FGD2: variants seen among roughly 807,000 people sequenced by gnomAD.
The protein encoded by FGD2 is FYVE, RhoGEF and PH domain containing 2.
Under a neutral mutation model 75.9 loss-of-function variants are expected in FGD2, and 52 were observed. That is an observed-to-expected ratio of 0.69 (90% CI 0.55 to 0.86). The LOEUF is 0.86. Ranked by LOEUF, FGD2 falls within the 40% of genes least tolerant of loss-of-function variation. The pLI is 0.00. For missense variants in FGD2, 790 were observed against 872.0 expected (o/e 0.91, Z 1.18); for synonymous variants, 347 against 348.6 (o/e 1.00, Z 0.05).
At chr6:37,014,391 G>T in intron 6 of FGD2, 1 of 617,742 alleles carries the variant, frequency 1.6e-6, no homozygotes, top group Non-Finnish European at 2.8e-6. Flanking sequence ...TACCCTCTAG[G>T]TCTGGCTTGT....
At position 37,025,955 on chromosome 6, in the gene FGD2, CCG is replaced by C. The variant is rs1170040147; in HGVS notation, c.1605+21_1605+22del. The C allele has an allele frequency of 1.9e-6, 3 of 1,612,812 alleles. No homozygotes were observed. In the African/African-American group the frequency reaches 4.0e-5, roughly 22 times the overall value. ...ATCCTGGAGGTGAGGGCCACTGTCCCCGCGCTCACCATCCGTCCTCTGTTCAG... is the reference window on the plus strand; with the variant it reads ...ATCCTGGAGGTGAGGGCCACTGTCCCCGCTCACCATCCGTCCTCTGTTCAG... On this transcript the variant is annotated intron_variant, in intron 14 of 15. Transcript: ENST00000274963.
intron 9 of FGD2, among the ~76,000 whole-genome samples, chr6:37,016,477 G>A (rs564618938): frequency 2.6e-4 from 40 of 152,086 alleles, no homozygotes; most frequent in Non-Finnish European, 4.6e-4. Flanking sequence ...AGCCCATGGG[G>A]GGACCACAAG....
chr6:37,014,529 G>C (rs1208059984), intron 6 of FGD2, 117 bp from the exon 7 acceptor site: 1 of 1,186,162 alleles, frequency 8.4e-7, no homozygotes, highest in Non-Finnish European at 1.2e-6. Context: ...AGGCAGGGCT[G>C]CTCCTGGGGG....
intron 14 of FGD2, among the ~76,000 whole-genome samples, chr6:37,027,050 G>A (rs532204058): frequency 6.7e-5 from 10 of 150,224 alleles, no homozygotes; most frequent in East Asian, 2.0e-4. Context: ...CATCCACCCC[G>A]TTTCCAATCC....
intron 6 of FGD2, 124 bp from the exon 7 acceptor site, chr6:37,014,522 C>G: frequency 9.0e-7 from 1 of 1,105,820 alleles, no homozygotes. Context: ...GCTGCACAGG[C>G]AGGGCTGCTC....
rs761650007 is a variant in FGD2, at chr6:37,008,903, C to G, written c.138C>G (p.Pro46=). The change falls in exon 2 of 16, where the codon CCC becomes CCG. Residue 46 remains proline (P), a synonymous_variant. Transcript: ENST00000274963. The stretch of plus-strand genomic sequence containing the variant: ...ATCACCGCCCTGAGTGCAGGCCTCC[C>G]GAGTCCCCAGGACCACGGGAGAAGA... The part of the protein sequence containing the change: ...DVHHRPECRP[P]ESPGPREKTN... The G allele has an allele frequency of 1.9e-6, 3 of 1,614,130 alleles. No homozygotes were observed. Among genetic ancestry groups the G allele is most frequent in the Admixed American group, 1.7e-5 (1 of 60,030 alleles).
At position 37,013,967 on chromosome 6, in the gene FGD2, C is replaced by T. The variant is rs768046681; in HGVS notation, c.690C>T (p.Ser230=). The part of the protein sequence containing the change: ...FQEVLTRIQS[S]EASGSLTLQH... ...CTCCCCCATCCCTCCCCAAGAGCAGCGAGGCTTCGGGCAGCCTGACCCTGC... is the reference window on the plus strand; with the variant it reads ...CTCCCCCATCCCTCCCCAAGAGCAGTGAGGCTTCGGGCAGCCTGACCCTGC... The change falls in exon 6 of 16, where the codon AGC becomes AGT. Residue 230 remains serine (S), a synonymous_variant. Transcript: ENST00000274963. The T allele has an allele frequency of 7.4e-6, 12 of 1,613,020 alleles. No homozygotes were observed. Among genetic ancestry groups the T allele is most frequent in the Middle Eastern group, 1.6e-4 (1 of 6,064 alleles).
chr6:37,020,670 G>T, intron 10 of FGD2, 39 bp from the exon 11 acceptor site: 1 of 1,579,316 alleles, frequency 6.3e-7, no homozygotes, highest in Non-Finnish European at 8.6e-7. Context: ...AACTGGGAGG[G>T]GCTGATCTCC....
intron 8 of FGD2, 87 bp downstream of exon 8, chr6:37,015,125 C>T (rs1765219929): frequency 1.3e-6 from 2 of 1,498,794 alleles, no homozygotes; most frequent in African/African-American, 1.4e-5. Context: ...TGGCCTCTAC[C>T]TGGCACTGCA....
intron 10 of FGD2, 22 bp from the exon 11 acceptor site, chr6:37,020,687 C>A: frequency 6.3e-7 from 1 of 1,576,124 alleles, no homozygotes; most frequent in Non-Finnish European, 8.6e-7. Flanking sequence ...CTCCTCAACA[C>A]CTGTGTTCAC....
rs1408680474 is a variant in FGD2, at chr6:37,009,290, A to C, written c.300+225A>C. The stretch of plus-strand genomic sequence containing the variant: ...TTACTTCGCGAGTCCCTCGTGTAGG[A>C]GTTTTTTGGACAAGGAAGTTGAAAC... On this transcript the variant is annotated intron_variant, in intron 2 of 15. Transcript: ENST00000274963. 1.2e-5 allele frequency: 6 copies of C among 500,440 alleles called. No homozygotes were observed. The East Asian group carries it at 1.7e-4, about 14-fold the overall frequency. 31.0% of individuals were successfully genotyped at this position (500,440 alleles called of 1,614,324 possible). A position where few individuals can be genotyped will look rare whatever the true frequency, so the allele number is the denominator to read the frequency against.
rs367720858 is a variant in FGD2, at chr6:37,010,990, C to T, written c.318C>T (p.Ile106=). 98 of 1,614,042 alleles carry T rather than the reference C, an allele frequency of 6.1e-5. No homozygotes were observed. Among genetic ancestry groups the T allele is most frequent in the Non-Finnish European group, 7.5e-5 (89 of 1,180,022 alleles). ...GSGTQEPEKK[I]VQELLETEQA... is the part of the protein sequence containing the mutation. ...CTCCGCAGGAGCCAGAGAAGAAGAT[C>T]GTCCAGGAGCTGCTGGAGACAGAGC... Residue 106 remains isoleucine, a synonymous_variant, in exon 3 of 16, where the codon ATC becomes ATT. Coordinates refer to ENST00000274963, the MANE Select transcript of FGD2 (RefSeq NM_173558.4).
At chr6:37,011,103 T>C (rs1724087) in intron 3 of FGD2, 53 bp downstream of exon 3, 623,235 of 1,529,610 alleles carry the variant, frequency 0.41, 132,271 homozygotes, top group African/African-American at 0.7. Context: ...TCTCCTCACC[T>C]CACCCCTTCT....
At chr6:37,015,568 G>A (rs562046350) in intron 8 of FGD2, among the ~76,000 whole-genome samples, 200 bp from the exon 9 acceptor site, 1 of 152,152 alleles carries the variant, frequency 6.6e-6, no homozygotes, top group Non-Finnish European at 1.5e-5. Flanking sequence ...ACCATCCTAG[G>A]GGAATTGGGA....
intron 2 of FGD2, 155 bp downstream of exon 2, chr6:37,009,220 T>A: frequency 1.5e-6 from 1 of 678,942 alleles, no homozygotes; most frequent in Non-Finnish European, 2.4e-6. Flanking sequence ...TCCCCATGCT[T>A]AATGGCCTTT....
Position 37,028,078 on chromosome 6 carries a change from T to G in FGD2, c.1883T>G (p.Leu628Arg), listed in dbSNP as rs1226061183. The G allele has an allele frequency of 6.2e-7, 1 of 1,613,654 alleles. No individual in the cohort carries two copies. Among genetic ancestry groups the G allele is most frequent in the Non-Finnish European group, 8.5e-7 (1 of 1,180,006 alleles). ...ACCTTCAAGGCCGAGACGGAGGAGCTGAAGGGCCGCTGGGTGAAGGCCATG... is the reference window on the plus strand; with the variant it reads ...ACCTTCAAGGCCGAGACGGAGGAGCGGAAGGGCCGCTGGGTGAAGGCCATG... ...LYTFKAETEELKGRWVKAMER... is the reference protein window; with the variant it reads ...LYTFKAETEERKGRWVKAMER... The change falls in exon 16 of 16, where the codon CTG becomes CGG. Residue 628 changes from leucine (L) to arginine (R), a missense_variant. By Grantham distance (102) the Leu-to-Arg change is moderately radical (BLOSUM62 -2). Transcript: ENST00000274963.
chr6:37,028,210 A>G lies in FGD2; in HGVS notation c.*47A>G. 6.8e-7 allele frequency: 1 copy of G among 1,466,842 alleles called. No individual in the cohort carries two copies. Among genetic ancestry groups the G allele is most frequent in the Non-Finnish European group, 9.1e-7 (1 of 1,103,606 alleles). The allele number at this position is 1,466,842 out of a possible 1,614,324, so 90.9% of individuals were successfully genotyped here. The stretch of plus-strand genomic sequence containing the variant: ...GCCCACCTCTCCCCACCCTGAACCC[A>G]GCTCCTGCCACAGACTGACCCTGTG... On this transcript the variant is annotated 3_prime_UTR_variant, in exon 16 of 16. Transcript: ENST00000274963.
intron 9 of FGD2, among the ~76,000 whole-genome samples, chr6:37,017,244 G>A (rs1011796372): frequency 1.3e-5 from 2 of 152,166 alleles, no homozygotes; most frequent in African/African-American, 2.4e-5. Context: ...TCTGCTGAGA[G>A]ACACTTAGAT....
intron 11 of FGD2, among the ~76,000 whole-genome samples, chr6:37,020,958 CTGTG>C (rs762209784): frequency 1.5e-5 from 2 of 137,488 alleles, no homozygotes; most frequent in Non-Finnish European, 3.1e-5. Context: ...ATGTCTGTGT[CTGTG>C]TGTTTGTGTG....
Sources: gnomAD v4.1 joint callset for allele counts (sites outside exome capture counted in the v4.1 genomes callset) on GRCh38, gnomAD v4.1.1 for gene constraint, MANE v1.5 for transcripts, NCBI Gene and HGNC (gene_info 2026-07-23, HGNC 2026-07-21) for gene names.